Variants in SHISA6 observed in about 807,000 individuals in gnomAD.
SHISA6 encodes protein shisa-6.
SHISA6 carries 22 observed loss-of-function variants against 47.9 expected under a neutral mutation model. That is an observed-to-expected ratio of 0.46 (90% CI 0.33 to 0.66). The LOEUF is 0.66. Ranked by LOEUF, SHISA6 falls within the 30% of genes least tolerant of loss-of-function variation. The pLI, the probability that SHISA6 is intolerant of heterozygous loss-of-function variation, is 0.02. For synonymous variants in SHISA6, 388 were observed against 337.8 expected (o/e 1.15, Z -1.63); for missense variants, 680 against 764.6 (o/e 0.89, Z 1.30).
intron 3 of SHISA6, among the ~76,000 whole-genome samples, chr17:11,494,879 AT>A (rs1342981993): frequency 6.6e-6 from 1 of 152,134 alleles, no homozygotes; most frequent in African/African-American, 2.4e-5. Flanking sequence ...TCCTGGACCA[AT>A]TACATCAAAA....
intron 2 of SHISA6, among the ~76,000 whole-genome samples, chr17:11,368,568 A>G (rs974574322): frequency 2.6e-5 from 4 of 152,212 alleles, no homozygotes; most frequent in African/African-American, 9.6e-5. Context: ...TAGTACTAGT[A>G]ATGATAGTAA....
At chr17:11,309,324 G>A (rs566486071) in intron 2 of SHISA6, among the ~76,000 whole-genome samples, 1 of 152,308 alleles carries the variant, frequency 6.6e-6, no homozygotes, top group East Asian at 1.9e-4. Context: ...ATCATTTAGG[G>A]AGAATAAGTT....
chr17:11,351,787 G>A (rs970681904), intron 2 of SHISA6, among the ~76,000 whole-genome samples: 2 of 152,188 alleles, frequency 1.3e-5, no homozygotes, highest in African/African-American at 2.4e-5. Flanking sequence ...GAATGGCACC[G>A]TCAAATGAAA....
At chr17:11,304,981 G>C (rs911188598) in intron 2 of SHISA6, among the ~76,000 whole-genome samples, 1 of 152,144 alleles carries the variant, frequency 6.6e-6, no homozygotes. Flanking sequence ...TTGTTGTTCC[G>C]ATTTTTATGT....
intron 2 of SHISA6, among the ~76,000 whole-genome samples, chr17:11,299,161 A>G (rs1368923686): frequency 6.6e-6 from 1 of 152,204 alleles, no homozygotes; most frequent in African/African-American, 2.4e-5. Context: ...TCATTGTGTC[A>G]TTGTGACCTC....
chr17:11,390,661 T>G (rs1913354034), intron 3 of SHISA6, among the ~76,000 whole-genome samples: 1 of 152,202 alleles, frequency 6.6e-6, no homozygotes, highest in South Asian at 2.1e-4. Context: ...CTTCTAAGAT[T>G]CATATGCCAC....
At chr17:11,425,146 AT>A (rs2142284989) in intron 3 of SHISA6, among the ~76,000 whole-genome samples, 1 of 152,200 alleles carries the variant, frequency 6.6e-6, no homozygotes, top group East Asian at 1.9e-4. Flanking sequence ...TTAAAGAAAT[AT>A]ATCTACATCA....
chr17:11,501,555 C>A (rs2071453825), intron 3 of SHISA6, among the ~76,000 whole-genome samples: 1 of 152,118 alleles, frequency 6.6e-6, no homozygotes, highest in Non-Finnish European at 1.5e-5. Flanking sequence ...ATGACTTAAT[C>A]CCATTTCTAG....
At chr17:11,392,910 G>A (rs1333164024) in intron 3 of SHISA6, among the ~76,000 whole-genome samples, 1 of 152,190 alleles carries the variant, frequency 6.6e-6, no homozygotes, top group Non-Finnish European at 1.5e-5. Flanking sequence ...GAATAAGGCA[G>A]GTTCTTTGGC....
In SHISA6 at chr17:11,563,281, C is replaced by T. The variant is rs73288834; in HGVS notation, c.*4977C>T. ...GTGTCCTGAAGACCAAGTCTGGACA[C>T]TGAGGCTCCATTCCAACTGGAGGAG... On this transcript the variant is annotated 3_prime_UTR_variant, in exon 6 of 6. Coordinates refer to ENST00000441885, the MANE Select transcript of SHISA6 (RefSeq NM_207386.4). 1 of 152,336 alleles carries T rather than the reference C, an allele frequency of 6.6e-6. No homozygotes were observed. Among genetic ancestry groups the T allele is most frequent in the African/African-American group, 2.4e-5 (1 of 41,570 alleles). 9.4% of individuals were successfully genotyped at this position (152,336 alleles called of 1,614,324 possible).
intron 3 of SHISA6, among the ~76,000 whole-genome samples, chr17:11,457,276 G>A (rs1383249098): frequency 1.3e-5 from 2 of 152,128 alleles, no homozygotes; most frequent in Non-Finnish European, 2.9e-5. Context: ...CTCCTTTACT[G>A]TTGATCCTAA....
At chr17:11,289,348 A>G (rs1414425416) in intron 2 of SHISA6, 1 of 151,960 alleles carries the variant, frequency 6.6e-6, no homozygotes, top group Non-Finnish European at 1.5e-5. Context: ...ATGTGCATCT[A>G]TTTTCATGAG....
intron 3 of SHISA6, among the ~76,000 whole-genome samples, chr17:11,525,058 T>C (rs2142365911): frequency 6.6e-6 from 1 of 152,304 alleles, no homozygotes; most frequent in Non-Finnish European, 1.5e-5. Context: ...ATATCTTTTA[T>C]CTTGTTTCAG....
intron 3 of SHISA6, among the ~76,000 whole-genome samples, chr17:11,397,610 T>C (rs940228792): frequency 1.3e-5 from 2 of 152,146 alleles, no homozygotes; most frequent in African/African-American, 4.8e-5. Context: ...GGTTTTGAAA[T>C]TCTAGGTTCA....
intron 2 of SHISA6, among the ~76,000 whole-genome samples, chr17:11,266,433 C>A (rs1908426612): frequency 6.6e-6 from 1 of 152,186 alleles, no homozygotes; most frequent in South Asian, 2.1e-4. Flanking sequence ...AATCACTTGG[C>A]AATTAGAGTT....
intron 3 of SHISA6, among the ~76,000 whole-genome samples, chr17:11,449,426 G>T (rs1425772766): frequency 6.6e-6 from 1 of 151,786 alleles, no homozygotes; most frequent in Admixed American, 6.6e-5. Context: ...CTAGGTGACA[G>T]AGCGAGACTC....
chr17:11,391,533 T>C (rs1913386659), intron 3 of SHISA6, among the ~76,000 whole-genome samples: 1 of 152,122 alleles, frequency 6.6e-6, no homozygotes, highest in Non-Finnish European at 1.5e-5. Context: ...TGGACAGAGA[T>C]GGACTACAAA....
intron 2 of SHISA6, among the ~76,000 whole-genome samples, chr17:11,291,752 C>T (rs745556632): frequency 2.6e-5 from 4 of 152,052 alleles, no homozygotes; most frequent in African/African-American, 4.8e-5. Context: ...GCCTCTCTCC[C>T]GGACTTGTAG....
chr17:11,310,831 G>A (rs968476412), intron 2 of SHISA6, among the ~76,000 whole-genome samples: 1 of 151,980 alleles, frequency 6.6e-6, no homozygotes, highest in African/African-American at 2.4e-5. Flanking sequence ...AAATTAGGCT[G>A]GGCGCTGTGG....
Sources: gnomAD v4.1 joint callset for allele counts (sites outside exome capture counted in the v4.1 genomes callset) on GRCh38, gnomAD v4.1.1 for gene constraint, MANE v1.5 for transcripts, NCBI Gene and HGNC (gene_info 2026-07-23, HGNC 2026-07-21) for gene names.